The following DOCK1 variants were observed in gnomAD, a reference collection of about 807,000 sequenced individuals.
DOCK1 encodes the protein dedicator of cytokinesis 1, also known as dedicator of cytokinesis protein 1.
In DOCK1, 138 loss-of-function variants were observed where a neutral mutation model predicts 262.7. The ratio of observed to expected loss-of-function variants is 0.53; its 90% CI spans 0.46 to 0.61. DOCK1 has a LOEUF of 0.61. Ranked by LOEUF, DOCK1 falls within the 20% of genes least tolerant of loss-of-function variation. DOCK1 has a pLI of 0.00. For synonymous variants in DOCK1, 866 were observed against 867.4 expected (o/e 1.00, Z 0.03); for missense variants, 1,908 against 2,370.7 (o/e 0.80, Z 4.05).
In DOCK1 at chr10:127,451,531, T is replaced by C. The variant is rs1250923877; in HGVS notation, c.*104T>C. On this transcript the variant is annotated 3_prime_UTR_variant, in exon 52 of 52. Coordinates refer to ENST00000623213, the MANE Select transcript of DOCK1 (RefSeq NM_001290223.2). Reference sequence around the variant, plus strand: ...TGTTTACCTCATTGGGCCTGTGATGTTAACATTTCGTGCGACTGCTTTTTC... The same window carrying C: ...TGTTTACCTCATTGGGCCTGTGATGCTAACATTTCGTGCGACTGCTTTTTC... 2.0e-6 allele frequency: 3 copies of C among 1,529,834 alleles called. No individual in the cohort carries two copies. The highest frequency in any genetic ancestry group is 2.6e-6 in the Non-Finnish European group (3 of 1,139,462). 94.8% of individuals were successfully genotyped at this position (1,529,834 alleles called of 1,614,324 possible). A position where few individuals can be genotyped will look rare whatever the true frequency, so the allele number is the denominator to read the frequency against.
In DOCK1 at chr10:127,018,829, A is replaced by G; in HGVS notation, c.1321A>G (p.Met441Val). 1.9e-6 allele frequency: 3 copies of G among 1,613,890 alleles called. No individual in the cohort carries two copies. Among genetic ancestry groups the G allele is most frequent in the Non-Finnish European group, 2.5e-6 (3 of 1,179,856 alleles). ...AAAAACAGGGTTTCCGGAGATAATC[A>G]TGCCTGGTAAGAACTGGCTTGTTCA... Reference protein sequence around the residue: ...ARKTGFPEIIMPGDVRNDIYV... With the variant: ...ARKTGFPEIIVPGDVRNDIYV... Residue 441 changes from methionine to valine, a missense_variant, in exon 13 of 52, where the codon ATG becomes GTG. By Grantham distance (21) the Met-to-Val change is conservative. Coordinates refer to ENST00000623213, the MANE Select transcript of DOCK1 (RefSeq NM_001290223.2).
chr10:127,212,304 C>T (rs1397139864), intron 27 of DOCK1, among the ~76,000 whole-genome samples: 2 of 152,146 alleles, frequency 1.3e-5, no homozygotes, highest in African/African-American at 4.8e-5. Context: ...AAACTTCTAC[C>T]TGGCCATCGT....
intron 27 of DOCK1, among the ~76,000 whole-genome samples, chr10:127,149,118 T>C (rs1000058451): frequency 1.3e-5 from 2 of 152,178 alleles, no homozygotes; most frequent in African/African-American, 4.8e-5. Context: ...CTTTTACCCT[T>C]CTGTGCAGTC....
chr10:127,350,108 AAAT>A (rs1355967547), intron 31 of DOCK1, among the ~76,000 whole-genome samples: 1 of 152,192 alleles, frequency 6.6e-6, no homozygotes, highest in African/African-American at 2.4e-5. Context: ...ATCTAGGAAA[AAAT>A]ATCAGCATTC....
At chr10:127,369,914 G>A (rs2065118079) in intron 33 of DOCK1, among the ~76,000 whole-genome samples, 1 of 152,192 alleles carries the variant, frequency 6.6e-6, no homozygotes, top group African/African-American at 2.4e-5. Context: ...GGATCGGGAG[G>A]GACCAGTCAC....
At chr10:127,341,920 A>G (rs2063445922) in intron 30 of DOCK1, among the ~76,000 whole-genome samples, 1 of 152,186 alleles carries the variant, frequency 6.6e-6, no homozygotes, top group African/African-American at 2.4e-5. Flanking sequence ...GTCTGCATGT[A>G]CCCAGCACAG....
intron 1 of DOCK1, among the ~76,000 whole-genome samples, chr10:126,925,724 C>CTGTG (rs71032531): frequency 0.02 from 2,881 of 141,268 alleles, 53 homozygotes; most frequent in African/African-American, 0.04. Context: ...ATTGCAGAGT[C>CTGTG]TGTGTGTGTG....
intron 2 of DOCK1, 140 bp from the exon 3 acceptor site, chr10:126,977,808 C>G: frequency 1.2e-6 from 1 of 823,320 alleles, no homozygotes; most frequent in African/African-American, 1.7e-5. Context: ...ATCTCCAAAG[C>G]CTTAGGTTCA....
At chr10:127,248,194 A>G in intron 28 of DOCK1, 85 bp downstream of exon 28, 1 of 1,193,382 alleles carries the variant, frequency 8.4e-7, no homozygotes, top group Non-Finnish European at 1.2e-6. Flanking sequence ...ATATTCATTT[A>G]AAATAGGATT....
intron 27 of DOCK1, among the ~76,000 whole-genome samples, chr10:127,191,448 C>T (rs924487377): frequency 6.6e-6 from 1 of 152,154 alleles, no homozygotes; most frequent in Admixed American, 6.5e-5. Context: ...TTAAAAATCC[C>T]AGGTTTTATA....
chr10:127,415,390 G>A (rs957334358), intron 44 of DOCK1, among the ~76,000 whole-genome samples, 152 bp downstream of exon 44: 1 of 152,162 alleles, frequency 6.6e-6, no homozygotes, highest in African/African-American at 2.4e-5. Flanking sequence ...CTGTTCTTGA[G>A]AGCATCGATA....
At chr10:127,095,269 A>G (rs569303238) in intron 23 of DOCK1, among the ~76,000 whole-genome samples, 14 of 152,292 alleles carry the variant, frequency 9.2e-5, no homozygotes, top group Admixed American at 8.5e-4. Context: ...AGTCATCTGC[A>G]AGGCATCACT....
intron 2 of DOCK1, among the ~76,000 whole-genome samples, chr10:126,975,871 G>T (rs1412625878): frequency 2.0e-5 from 3 of 151,714 alleles, no homozygotes; most frequent in African/African-American, 4.8e-5. Context: ...TGCCCTCTTC[G>T]GCTGCCCAAA....
At chr10:127,127,498 C>A (rs766650960) in intron 26 of DOCK1, among the ~76,000 whole-genome samples, 171 bp from the exon 27 acceptor site, 2 of 152,060 alleles carry the variant, frequency 1.3e-5, no homozygotes, top group Non-Finnish European at 2.9e-5. Flanking sequence ...TTAATAAAAA[C>A]CCCTGAGTTT....
rs960868934 is a variant in DOCK1 at position 127,343,702 on chromosome 10, A to G, written c.3180A>G (p.Gln1060=). The G allele has an allele frequency of 6.2e-7, 1 of 1,611,526 alleles. No homozygotes were observed. Among genetic ancestry groups the G allele is most frequent in the African/African-American group, 1.3e-5 (1 of 75,034 alleles). Reference sequence around the variant, plus strand: ...CTTTCCTTACTCAAGAGTCCCTGCAACTGGAGAATTTTTCAAGTGCCAAGA... The same window carrying G: ...CTTTCCTTACTCAAGAGTCCCTGCAGCTGGAGAATTTTTCAAGTGCCAAGA... The part of the protein sequence containing the change: ...AVAFLTQESL[Q]LENFSSAKRA... The change falls in exon 31 of 52, where the codon CAA becomes CAG. Residue 1060 remains glutamine, a synonymous_variant. Transcript: ENST00000623213.
chr10:127,397,592 T>C (rs2066972084), intron 38 of DOCK1, among the ~76,000 whole-genome samples: 1 of 151,688 alleles, frequency 6.6e-6, no homozygotes, highest in Admixed American at 6.6e-5. Context: ...GATCTGAGCA[T>C]GAGTTACACG....
chr10:127,286,106 C>G (rs2061144313), intron 29 of DOCK1, among the ~76,000 whole-genome samples: 1 of 152,058 alleles, frequency 6.6e-6, no homozygotes, highest in African/African-American at 2.4e-5. Flanking sequence ...TCGGATAACT[C>G]CATGTGTAGG....
chr10:127,411,190 G>A (rs559498019), intron 43 of DOCK1, among the ~76,000 whole-genome samples: 62 of 152,206 alleles, frequency 4.1e-4, no homozygotes, highest in African/African-American at 1.4e-3. Context: ...TATGAGTAGC[G>A]CACTGCCTTC....
chr10:127,037,250 A>G (rs2043698315), intron 18 of DOCK1, among the ~76,000 whole-genome samples: 1 of 152,132 alleles, frequency 6.6e-6, no homozygotes, highest in Non-Finnish European at 1.5e-5. Context: ...AGCTGTGGGG[A>G]CTCTTAACCT....
Sources: allele counts gnomAD v4.1 joint callset (sites outside exome capture counted in the v4.1 genomes callset), GRCh38; gene constraint gnomAD v4.1.1; transcripts MANE v1.5; gene names NCBI Gene and HGNC (gene_info 2026-07-23, HGNC 2026-07-21).